Variants in SPAG6 observed in about 807,000 individuals in gnomAD.
The protein encoded by SPAG6 is sperm associated antigen 6, also known as sperm-associated antigen 6.
Under a neutral mutation model 58.5 loss-of-function variants are expected in SPAG6, and 49 were observed. The ratio of observed to expected loss-of-function variants is 0.84; its 90% CI spans 0.67 to 1.06. The LOEUF is 1.06. Among genes scored for constraint, SPAG6 ranks in the 50% least tolerant of loss-of-function variants. The pLI is 0.00. For synonymous variants in SPAG6, 233 were observed against 225.6 expected (o/e 1.03, Z -0.29); for missense variants, 560 against 611.3 (o/e 0.92, Z 0.89).
intron 10 of SPAG6, among the ~76,000 whole-genome samples, chr10:22,414,884 A>C (rs902287462): frequency 2.0e-5 from 3 of 152,182 alleles, no homozygotes; most frequent in African/African-American, 7.2e-5. Context: ...CTCCTGCCTC[A>C]GCCTCCTGAG....
At chr10:22,415,051 C>T (rs1194760682) in intron 10 of SPAG6, among the ~76,000 whole-genome samples, 2 of 152,130 alleles carry the variant, frequency 1.3e-5, no homozygotes, top group African/African-American at 2.4e-5. Context: ...CAGGTGTGGG[C>T]CACTGCACCC....
At chr10:22,372,324 T>G (rs193078117) in intron 4 of SPAG6, among the ~76,000 whole-genome samples, 130 of 152,374 alleles carry the variant, frequency 8.5e-4, no homozygotes, top group Admixed American at 2.4e-3. Context: ...ACATATTTAT[T>G]TATTCAACCA....
At chr10:22,355,447 G>C (rs1028289688) in intron 2 of SPAG6, among the ~76,000 whole-genome samples, 1 of 152,096 alleles carries the variant, frequency 6.6e-6, no homozygotes, top group African/African-American at 2.4e-5. Flanking sequence ...ACAAACAACT[G>C]AATCAACACT....
At chr10:22,357,735 T>G (rs1424181120) in intron 2 of SPAG6, among the ~76,000 whole-genome samples, 1 of 68,614 alleles carries the variant, frequency 1.5e-5, no homozygotes, top group East Asian at 5.3e-4. Context: ...CCCTCCCCCC[T>G]CCCCCCACCC....
intron 2 of SPAG6, among the ~76,000 whole-genome samples, chr10:22,362,086 TA>T (rs1837059504): frequency 6.8e-6 from 1 of 146,008 alleles, no homozygotes; most frequent in African/African-American, 2.5e-5. Context: ...AATATATATT[TA>T]TTTTATATAT....
intron 9 of SPAG6, among the ~76,000 whole-genome samples, chr10:22,409,744 G>A (rs1834681042): frequency 6.6e-6 from 1 of 152,114 alleles, no homozygotes; most frequent in African/African-American, 2.4e-5. Flanking sequence ...CCCACATTGT[G>A]ACCCCACCCC....
intron 9 of SPAG6, among the ~76,000 whole-genome samples, chr10:22,408,992 G>A (rs751503920): frequency 6.6e-6 from 1 of 152,138 alleles, no homozygotes; most frequent in Non-Finnish European, 1.5e-5. Flanking sequence ...GCCCTGCTTC[G>A]GCTCGCGCAC....
intron 3 of SPAG6, among the ~76,000 whole-genome samples, chr10:22,367,038 A>G (rs1837220978): frequency 1.3e-5 from 2 of 150,540 alleles, no homozygotes; most frequent in African/African-American, 4.9e-5. Flanking sequence ...TCTTTTAATG[A>G]GGAATGGAAG....
At chr10:22,352,806 G>A (rs1836767686) in intron 2 of SPAG6, among the ~76,000 whole-genome samples, 1 of 152,104 alleles carries the variant, frequency 6.6e-6, no homozygotes, top group African/African-American at 2.4e-5. Context: ...ACCGCACCCA[G>A]CAACAAAATA....
At chr10:22,396,762 G>A (rs1039555571) in intron 8 of SPAG6, among the ~76,000 whole-genome samples, 3 of 152,134 alleles carry the variant, frequency 2.0e-5, no homozygotes, top group Admixed American at 1.3e-4. Flanking sequence ...TAATCAGGGA[G>A]GATACAGTCA....
intron 2 of SPAG6, among the ~76,000 whole-genome samples, chr10:22,349,993 T>C (rs1836672939): frequency 6.6e-6 from 1 of 152,194 alleles, no homozygotes; most frequent in Non-Finnish European, 1.5e-5. Flanking sequence ...CCTTGATATG[T>C]ACATGTGCTA....
intron 2 of SPAG6, chr10:22,360,814 A>C: frequency 6.5e-7 from 1 of 1,534,428 alleles, no homozygotes; most frequent in Non-Finnish European, 8.7e-7. Context: ...TGTGAACTCT[A>C]AATTTCCATG....
chr10:22,366,904 C>A (rs1266663293), intron 3 of SPAG6, among the ~76,000 whole-genome samples: 1 of 152,092 alleles, frequency 6.6e-6, no homozygotes, highest in East Asian at 1.9e-4. Context: ...AAACACGAAG[C>A]CTTTGCACAA....
chr10:22,391,767 G>T lies in SPAG6; in HGVS notation c.1044G>T (p.Pro348=). 1 of 1,613,472 alleles carries T rather than the reference G, an allele frequency of 6.2e-7. No individual in the cohort carries two copies. The highest frequency in any genetic ancestry group is 1.1e-5 in the South Asian group (1 of 91,066). The change falls in exon 8 of 11, where the codon CCG becomes CCT. Residue 348 remains proline (P), a synonymous_variant. Coordinates refer to ENST00000376624, the MANE Select transcript of SPAG6 (RefSeq NM_012443.4). ...TGTCAGTCTGCTTGTCAGAAGAACC[G>T]GAAGATCATATTAAGGCTGCAGCTG... ...PQLSVCLSEE[P]EDHIKAAAAW...
chr10:22,394,258 T>C (rs1834244261), intron 8 of SPAG6, among the ~76,000 whole-genome samples: 1 of 152,086 alleles, frequency 6.6e-6, no homozygotes, highest in African/African-American at 2.4e-5. Flanking sequence ...TTTTTTCTAA[T>C]AAGCTTATCT....
chr10:22,354,808 G>A (rs1266287425), intron 2 of SPAG6, among the ~76,000 whole-genome samples: 2 of 151,962 alleles, frequency 1.3e-5, no homozygotes, highest in Non-Finnish European at 2.9e-5. Context: ...TTAGGAGTTC[G>A]AGACCAGCCT....
intron 2 of SPAG6, among the ~76,000 whole-genome samples, chr10:22,361,747 A>C (rs1001280497): frequency 6.6e-6 from 1 of 152,098 alleles, no homozygotes; most frequent in African/African-American, 2.4e-5. Flanking sequence ...TTGAGTGGGC[A>C]AAATATTTTA....
intron 10 of SPAG6, chr10:22,413,109 TGAATGACCTATTA>T (rs1193512424): frequency 7.7e-6 from 1 of 130,068 alleles, no homozygotes; most frequent in East Asian, 2.2e-4. Context: ...GTCCCCAGAA[TGAATGACCTATTA>T]GAATCAACCA....
At chr10:22,385,131 A>C (rs1231987345) in intron 4 of SPAG6, among the ~76,000 whole-genome samples, 1 of 152,180 alleles carries the variant, frequency 6.6e-6, no homozygotes, top group Non-Finnish European at 1.5e-5. Flanking sequence ...CAGAATGTTA[A>C]TTATCAGAAA....
Sources: gnomAD v4.1 joint callset for allele counts (sites outside exome capture counted in the v4.1 genomes callset) on GRCh38, gnomAD v4.1.1 for gene constraint, MANE v1.5 for transcripts, NCBI Gene and HGNC (gene_info 2026-07-23, HGNC 2026-07-21) for gene names.